The following KIAA1549L variants were observed in gnomAD, a reference collection of about 807,000 sequenced individuals.
KIAA1549L encodes KIAA1549 like.
In KIAA1549L, 88 loss-of-function variants were observed where a neutral mutation model predicts 160.7. The observed-to-expected ratio is 0.55, with a 90% CI of 0.46 to 0.65. The LOEUF is 0.65. Ranked by LOEUF, KIAA1549L falls within the 30% of genes least tolerant of loss-of-function variation. The probability of loss-of-function intolerance (pLI) is 0.00; values close to 1 mark genes in which losing one functional copy is unlikely to be tolerated. For synonymous variants in KIAA1549L, 950 were observed against 976.7 expected (o/e 0.97, Z 0.51); for missense variants, 2,258 against 2,437.5 (o/e 0.93, Z 1.55).
chr11:33,467,913 C>T (rs1471271684), intron 1 of KIAA1549L, among the ~76,000 whole-genome samples: 2 of 152,154 alleles, frequency 1.3e-5, no homozygotes, highest in Non-Finnish European at 1.5e-5. Context: ...CAAAACAAAC[C>T]AACAAAAATC....
rs1855712074 is a variant in KIAA1549L at position 33,583,460 on chromosome 11, T to A, written c.4525T>A (p.Phe1509Ile). 2 of 1,584,022 alleles carry A rather than the reference T, an allele frequency of 1.3e-6. No individual in the cohort carries two copies. The highest frequency in any genetic ancestry group is 2.3e-5 in the South Asian group (2 of 86,448). Residue 1509 changes from phenylalanine (F) to isoleucine (I), a missense_variant, in exon 11 of 21, where the codon TTC becomes ATC. Physicochemically the swap from Phe to Ile is conservative, Grantham distance 21. Transcript: ENST00000658780. ...AVLCRKNKND[F>I]KPDTMINLPQ... ...GCTCTGCAGGAAGAACAAGAACGAC[T>A]TCAAGCCTGACACCATGATAAACCT...
intron 10 of KIAA1549L, 133 bp downstream of exon 10, chr11:33,575,006 A>G (rs918056728): frequency 1.1e-5 from 8 of 744,242 alleles, no homozygotes; most frequent in Admixed American, 5.1e-5. Flanking sequence ...TCTTAAATCA[A>G]TCAGCTATGT....
At chr11:33,589,120 CAAAAG>C (rs1849968293) in intron 11 of KIAA1549L, among the ~76,000 whole-genome samples, 1 of 152,116 alleles carries the variant, frequency 6.6e-6, no homozygotes, top group African/African-American at 2.4e-5. Context: ...AGACACTTCT[CAAAAG>C]AAGACATTTA....
intron 17 of KIAA1549L, among the ~76,000 whole-genome samples, chr11:33,648,784 A>C (rs1434544891): frequency 6.6e-6 from 1 of 152,026 alleles, no homozygotes; most frequent in Non-Finnish European, 1.5e-5. Context: ...AACATCCTAC[A>C]GCCTTCCTGT....
At chr11:33,609,279 C>T (rs968774170) in intron 14 of KIAA1549L, among the ~76,000 whole-genome samples, 4 of 152,216 alleles carry the variant, frequency 2.6e-5, no homozygotes, top group South Asian at 2.1e-4. Flanking sequence ...CCACCCTGTC[C>T]GTCCCAGCTC....
At chr11:33,384,265 C>G (rs1850129696) in intron 1 of KIAA1549L, among the ~76,000 whole-genome samples, 1 of 152,230 alleles carries the variant, frequency 6.6e-6, no homozygotes, top group East Asian at 1.9e-4. Flanking sequence ...TTTCACTTAG[C>G]ATAATGCTCT....
chr11:33,558,704 T>C (rs1854732022), intron 6 of KIAA1549L, among the ~76,000 whole-genome samples: 1 of 152,154 alleles, frequency 6.6e-6, no homozygotes, highest in East Asian at 1.9e-4. Context: ...AAAACTAGCT[T>C]CGACAAAATG....
chr11:33,596,740 C>T (rs1366742715), intron 12 of KIAA1549L, among the ~76,000 whole-genome samples: 1 of 152,144 alleles, frequency 6.6e-6, no homozygotes, highest in Non-Finnish European at 1.5e-5. Flanking sequence ...CTCTCAAAAA[C>T]TCAATCAGTC....
intron 1 of KIAA1549L, among the ~76,000 whole-genome samples, chr11:33,454,317 G>A (rs1851778734): frequency 6.6e-6 from 1 of 152,202 alleles, no homozygotes; most frequent in South Asian, 2.1e-4. Context: ...ACAAATGAGA[G>A]GGGAAAAGAA....
chr11:33,650,014 G>A (rs1036497731), intron 17 of KIAA1549L, among the ~76,000 whole-genome samples: 4 of 152,194 alleles, frequency 2.6e-5, no homozygotes, highest in Non-Finnish European at 4.4e-5. Flanking sequence ...TCCACCTCTG[G>A]TTATACAAAA....
chr11:33,589,921 T>C (rs1490030336), intron 11 of KIAA1549L, among the ~76,000 whole-genome samples: 1 of 152,166 alleles, frequency 6.6e-6, no homozygotes, highest in Non-Finnish European at 1.5e-5. Context: ...AATTAGCTGC[T>C]GAAGGAGGGG....
At chr11:33,601,345 G>C (rs1850355071) in intron 13 of KIAA1549L, among the ~76,000 whole-genome samples, 2 of 152,128 alleles carry the variant, frequency 1.3e-5, no homozygotes, top group Admixed American at 1.3e-4. Flanking sequence ...AGAATTTTAG[G>C]ATAGAACTTT....
chr11:33,441,705 G>T (rs1851510593), intron 1 of KIAA1549L, among the ~76,000 whole-genome samples: 1 of 152,142 alleles, frequency 6.6e-6, no homozygotes, highest in African/African-American at 2.4e-5. Flanking sequence ...TCTTTTGGCT[G>T]CATAAATGTC....
intron 1 of KIAA1549L, among the ~76,000 whole-genome samples, chr11:33,437,074 G>C (rs567915857): frequency 1.1e-4 from 17 of 152,154 alleles, no homozygotes; most frequent in Non-Finnish European, 2.1e-4. Context: ...CATCTTGTCA[G>C]CATTATAATT....
At chr11:33,583,177 G>A (rs1177805627) in intron 10 of KIAA1549L, among the ~76,000 whole-genome samples, 161 bp from the exon 11 acceptor site, 1 of 152,150 alleles carries the variant, frequency 6.6e-6, no homozygotes, top group Non-Finnish European at 1.5e-5. Context: ...CTTGCCCAAG[G>A]TCACACAGCT....
chr11:33,521,605 C>G (rs533669654), intron 1 of KIAA1549L, among the ~76,000 whole-genome samples: 1 of 152,310 alleles, frequency 6.6e-6, no homozygotes, highest in African/African-American at 2.4e-5. Flanking sequence ...ACAGTAAATA[C>G]TTTGACTGTG....
At chr11:33,558,335 G>T (rs1854718282) in intron 6 of KIAA1549L, among the ~76,000 whole-genome samples, 1 of 152,176 alleles carries the variant, frequency 6.6e-6, no homozygotes, top group Admixed American at 6.5e-5. Flanking sequence ...ACCCGATGGG[G>T]TGAGTGCGGG....
chr11:33,415,085 T>G (rs10836061), intron 1 of KIAA1549L, among the ~76,000 whole-genome samples: 43,013 of 151,652 alleles, frequency 0.28, 6,453 homozygotes, highest in East Asian at 0.55. Flanking sequence ...CTGTGCATTA[T>G]TGGTAAAACT....
At chr11:33,525,034 A>T (rs1354432235) in intron 1 of KIAA1549L, among the ~76,000 whole-genome samples, 1 of 152,232 alleles carries the variant, frequency 6.6e-6, no homozygotes, top group East Asian at 1.9e-4. Context: ...AGATTTTTAT[A>T]GGGGTGAAGA....
Sources: allele counts gnomAD v4.1 joint callset (sites outside exome capture counted in the v4.1 genomes callset), GRCh38; gene constraint gnomAD v4.1.1; transcripts MANE v1.5; gene names NCBI Gene and HGNC (gene_info 2026-07-23, HGNC 2026-07-21).